KLHL18: variants seen among roughly 807,000 people sequenced by gnomAD.
The protein encoded by KLHL18 is kelch-like protein 18.
In KLHL18, 38 loss-of-function variants were observed where a neutral mutation model predicts 58.5. That is an observed-to-expected ratio of 0.65 (90% CI 0.50 to 0.85). The LOEUF is 0.85. KLHL18 is among the 40% of genes least tolerant of loss of function. KLHL18 has a pLI of 0.00. For missense variants in KLHL18, 624 were observed against 778.4 expected (o/e 0.80, Z 2.36); for synonymous variants, 303 against 301.9 (o/e 1.00, Z -0.04).
rs1455397281 is a variant in KLHL18, at chr3:47,287,139, TCTTCTAAAATTTTGTTGACC to T, written c.129+4073_129+4092del. 73 of 152,372 alleles carry T rather than the reference TCTTCTAAAATTTTGTTGACC, an allele frequency of 4.8e-4. 1 individual carries two copies. The Middle Eastern group carries it at 0.017, about 35-fold the overall frequency. 9.4% of individuals were successfully genotyped at this position (152,372 alleles called of 1,614,324 possible). On this transcript the variant is annotated intron_variant, in intron 1 of 9. Transcript: ENST00000232766. ...TTACTACTCATGTGTCTTCTTTTCT[TCTTCTAAAATTTTGTTGACC>T]CTTCTAAAATTTTGTTGACCCTTCT... is the stretch of plus-strand genomic sequence containing the variant.
chr3:47,317,987 G>C (rs1393286416), intron 1 of KLHL18, among the ~76,000 whole-genome samples: 1 of 152,148 alleles, frequency 6.6e-6, no homozygotes, highest in African/African-American at 2.4e-5. Context: ...TCCTGCCCCA[G>C]TGACCCAAGT....
At chr3:47,318,118 G>A (rs865977567) in intron 1 of KLHL18, among the ~76,000 whole-genome samples, 21 of 152,140 alleles carry the variant, frequency 1.4e-4, no homozygotes, top group African/African-American at 4.6e-4. Context: ...ACCTTCCTTG[G>A]CCTCCCAAAG....
chr3:47,330,569 G>A (rs998688049), intron 4 of KLHL18, among the ~76,000 whole-genome samples: 7 of 152,126 alleles, frequency 4.6e-5, no homozygotes, highest in African/African-American at 1.7e-4. Flanking sequence ...TGGGATTATA[G>A]GCGTGAGCCA....
chr3:47,311,800 C>G (rs2107613839), intron 1 of KLHL18, among the ~76,000 whole-genome samples: 1 of 152,294 alleles, frequency 6.6e-6, no homozygotes, highest in Admixed American at 6.5e-5. Flanking sequence ...AACTCCATCA[C>G]TTCTTTTAAT....
At chr3:47,326,866 A>G (rs904941572) in intron 3 of KLHL18, among the ~76,000 whole-genome samples, 2 of 151,444 alleles carry the variant, frequency 1.3e-5, no homozygotes, top group African/African-American at 4.9e-5. Context: ...GGTTGCGGTG[A>G]GCCGAGATCG....
At chr3:47,332,800 A>C (rs1269401986) in intron 4 of KLHL18, among the ~76,000 whole-genome samples, 3 of 152,052 alleles carry the variant, frequency 2.0e-5, no homozygotes, top group Non-Finnish European at 4.4e-5. Context: ...GGGACAGTGT[A>C]AACAGGAGAA....
intron 8 of KLHL18, among the ~76,000 whole-genome samples, chr3:47,342,191 C>T (rs995511229): frequency 6.6e-6 from 1 of 152,168 alleles, no homozygotes; most frequent in Non-Finnish European, 1.5e-5. Flanking sequence ...AGGAGCAATC[C>T]CTCTGGCTGG....
intron 3 of KLHL18, among the ~76,000 whole-genome samples, chr3:47,326,887 C>T (rs1703735966): frequency 6.6e-6 from 1 of 150,998 alleles, no homozygotes. Flanking sequence ...TGCCATTGCA[C>T]TCCAGCCTGG....
chr3:47,314,876 C>T (rs1254107871), intron 1 of KLHL18, among the ~76,000 whole-genome samples: 1 of 152,152 alleles, frequency 6.6e-6, no homozygotes, highest in Non-Finnish European at 1.5e-5. Context: ...ATACAGAACT[C>T]AAATGTAATC....
At chr3:47,295,902 G>A (rs146979038) in intron 1 of KLHL18, among the ~76,000 whole-genome samples, 2 of 152,236 alleles carry the variant, frequency 1.3e-5, no homozygotes, top group East Asian at 3.9e-4. Context: ...AGGGACCCAT[G>A]CCCTCTTTCT....
intron 1 of KLHL18, among the ~76,000 whole-genome samples, chr3:47,311,814 CCAAA>C (rs1362715891): frequency 6.6e-5 from 10 of 152,138 alleles, no homozygotes; most frequent in African/African-American, 1.2e-4. Flanking sequence ...TTTTAATTTA[CCAAA>C]CAAAGCTGTT....
At chr3:47,340,543 A>C in intron 7 of KLHL18, 29 bp from the exon 8 acceptor site, 1 of 1,613,768 alleles carries the variant, frequency 6.2e-7, no homozygotes, top group African/African-American at 1.3e-5. Flanking sequence ...GCTGCGGCTC[A>C]TCTGGGATGA....
At chr3:47,319,864 C>A in intron 2 of KLHL18, 81 bp downstream of exon 2, 1 of 1,428,644 alleles carries the variant, frequency 7.0e-7, no homozygotes, top group Non-Finnish European at 9.8e-7. Flanking sequence ...TGAGGACCTG[C>A]AGCAGGACAC....
chr3:47,299,731 G>T (rs1290980359), intron 1 of KLHL18, among the ~76,000 whole-genome samples: 2 of 149,904 alleles, frequency 1.3e-5, no homozygotes, highest in Admixed American at 6.7e-5. Flanking sequence ...GAAGACTGAG[G>T]CAGGAGGATT....
chr3:47,296,295 A>G (rs187110722), intron 1 of KLHL18, among the ~76,000 whole-genome samples: 5 of 152,294 alleles, frequency 3.3e-5, no homozygotes, highest in Non-Finnish European at 1.5e-5. Flanking sequence ...TCTCTTACCT[A>G]GTATAGTTCT....
rs147605052 is a variant in KLHL18 at position 47,300,586 on chromosome 3, T to A, written c.129+17492T>A. On this transcript the variant is annotated intron_variant, in intron 1 of 9. Coordinates refer to ENST00000232766, the MANE Select transcript of KLHL18 (RefSeq NM_025010.5). The stretch of plus-strand genomic sequence containing the variant: ...AGCCTAGCATTTTATATGATCACTG[T>A]TTTTTATTTTAGCCATTCTGTTAAA... Among the ~76,000 whole-genome samples the A allele has an allele frequency of 5.9e-3, 889 of 149,548 alleles. 11 individuals carry two copies. The highest frequency in any genetic ancestry group is 0.021 in the African/African-American group (845 of 41,000).
intron 1 of KLHL18, among the ~76,000 whole-genome samples, chr3:47,309,468 A>G (rs1349114008): frequency 6.6e-6 from 1 of 150,688 alleles, no homozygotes; most frequent in African/African-American, 2.5e-5. Context: ...GCGGCAGGGC[A>G]GAGGCGCTCC....
At chr3:47,341,861 C>CAGCCT (rs1433949679) in intron 8 of KLHL18, among the ~76,000 whole-genome samples, 2 of 145,090 alleles carry the variant, frequency 1.4e-5, no homozygotes, top group East Asian at 4.0e-4. Flanking sequence ...AGTTTGAGAC[C>CAGCCT]AGCCTAGGCA....
At chr3:47,299,381 A>G (rs1702963981) in intron 1 of KLHL18, among the ~76,000 whole-genome samples, 1 of 152,156 alleles carries the variant, frequency 6.6e-6, no homozygotes, top group Non-Finnish European at 1.5e-5. Flanking sequence ...CAACATAGTG[A>G]GACCCCATCT....
Sources: allele counts gnomAD v4.1 joint callset (sites outside exome capture counted in the v4.1 genomes callset), GRCh38; gene constraint gnomAD v4.1.1; transcripts MANE v1.5; gene names NCBI Gene and HGNC (gene_info 2026-07-23, HGNC 2026-07-21).